DCAF1: variants seen among roughly 807,000 people sequenced by gnomAD.
The protein encoded by DCAF1 is DDB1- and CUL4-associated factor 1.
In DCAF1, 15 loss-of-function variants were observed where a neutral mutation model predicts 128.0. That is an observed-to-expected ratio of 0.12 (90% CI 0.08 to 0.18). The LOEUF is 0.18. Ranked by LOEUF, DCAF1 falls within the 10% of genes least tolerant of loss-of-function variation. DCAF1 has a pLI of 1.00. For missense variants in DCAF1, 988 were observed against 1,649.5 expected (o/e 0.60, Z 6.95); for synonymous variants, 610 against 603.0 (o/e 1.01, Z -0.17).
intron 4 of DCAF1, among the ~76,000 whole-genome samples, chr3:51,470,020 CA>C (rs1272220677): frequency 6.7e-6 from 1 of 149,862 alleles, no homozygotes; most frequent in African/African-American, 2.4e-5. Context: ...GATGCCATCT[CA>C]AAAAAAAATA....
intron 3 of DCAF1, among the ~76,000 whole-genome samples, chr3:51,471,396 G>A (rs1013249067): frequency 1.5e-4 from 22 of 151,560 alleles, no homozygotes; most frequent in Non-Finnish European, 2.8e-4. Context: ...TGCTAGCCAG[G>A]ATGGTCTCGA....
At chr3:51,474,683 C>A (rs1007166782) in intron 3 of DCAF1, among the ~76,000 whole-genome samples, 1 of 150,806 alleles carries the variant, frequency 6.6e-6, no homozygotes, top group Admixed American at 6.6e-5. Flanking sequence ...CGCAGTGGCA[C>A]AATCGTACCT....
chr3:51,416,040 A>G (rs1468931109), intron 18 of DCAF1, among the ~76,000 whole-genome samples: 11 of 152,140 alleles, frequency 7.2e-5, no homozygotes, highest in African/African-American at 2.7e-4. Flanking sequence ...CTCATGTGTC[A>G]GGTGGTACAA....
chr3:51,424,044 A>C (rs543130038), intron 13 of DCAF1, among the ~76,000 whole-genome samples: 1 of 152,228 alleles, frequency 6.6e-6, no homozygotes, highest in South Asian at 2.1e-4. Flanking sequence ...ATGATATAAA[A>C]ATAAAAAATG....
At chr3:51,446,963 A>AAATAATAATAATAATAATAAT (rs59908556) in intron 6 of DCAF1, among the ~76,000 whole-genome samples, 81 of 136,966 alleles carry the variant, frequency 5.9e-4, no homozygotes, top group South Asian at 9.4e-4. Context: ...TTTGTCTCAA[A>AAATAATAATAATAATAATAAT]AATAATAATA....
chr3:51,407,460 G>A (rs782388069), intron 23 of DCAF1, among the ~76,000 whole-genome samples: 2 of 152,152 alleles, frequency 1.3e-5, no homozygotes, highest in African/African-American at 2.4e-5. Flanking sequence ...CCGCTTCTAG[G>A]CAGTGGAGAA....
At chr3:51,487,020 T>G (rs1707052243) in intron 2 of DCAF1, among the ~76,000 whole-genome samples, 1 of 151,534 alleles carries the variant, frequency 6.6e-6, no homozygotes, top group South Asian at 2.1e-4. Context: ...CAGGCTGGAG[T>G]GCAGTGGCAC....
At chr3:51,489,122 T>G (rs1421970554) in intron 2 of DCAF1, among the ~76,000 whole-genome samples, 2 of 152,056 alleles carry the variant, frequency 1.3e-5, no homozygotes, top group Non-Finnish European at 2.9e-5. Flanking sequence ...GCCTTTGCCA[T>G]TTCTATTAAA....
downstream of DCAF1, chr3:51,397,450 TAC>T (rs2089276753): frequency 6.0e-6 from 1 of 167,096 alleles, no homozygotes; most frequent in African/African-American, 2.4e-5. Flanking sequence ...CTGCCCCAGC[TAC>T]AGAGACGGCC....
chr3:51,472,007 C>T (rs1458481072), intron 3 of DCAF1, among the ~76,000 whole-genome samples: 1 of 152,222 alleles, frequency 6.6e-6, no homozygotes, highest in Non-Finnish European at 1.5e-5. Flanking sequence ...TCATCAACTA[C>T]CTGGATTACC....
At chr3:51,452,908 AG>A (rs1702501749) in intron 6 of DCAF1, among the ~76,000 whole-genome samples, 1 of 151,818 alleles carries the variant, frequency 6.6e-6, no homozygotes. Flanking sequence ...CCAGCTACTC[AG>A]GAAGTTGAGG....
intron 18 of DCAF1, among the ~76,000 whole-genome samples, chr3:51,415,780 G>A (rs537926694): frequency 1.1e-4 from 17 of 152,010 alleles, no homozygotes; most frequent in South Asian, 2.1e-4. Context: ...TTGTAGAGAT[G>A]GGGGGAGTCT....
chr3:51,417,573 A>C (rs1239463365), intron 17 of DCAF1, among the ~76,000 whole-genome samples: 1 of 152,160 alleles, frequency 6.6e-6, no homozygotes, highest in Non-Finnish European at 1.5e-5. Context: ...ATAAAATATT[A>C]GCCAGGTGTG....
chr3:51,413,503 A>C (rs1365458230), intron 20 of DCAF1, 117 bp from the exon 21 acceptor site: 31 of 1,448,840 alleles, frequency 2.1e-5, no homozygotes, highest in Middle Eastern at 1.8e-4. Context: ...GTTTACATAC[A>C]AATTCCCTTG....
At chr3:51,482,740 A>G (rs1706376893) in intron 3 of DCAF1, among the ~76,000 whole-genome samples, 1 of 141,298 alleles carries the variant, frequency 7.1e-6, no homozygotes, top group Non-Finnish European at 1.5e-5. Context: ...ACTCCAGCCC[A>G]GGAGACAGTG....
chr3:51,441,363 G>A (rs782666727), intron 8 of DCAF1, 22 bp downstream of exon 8: 3 of 1,603,610 alleles, frequency 1.9e-6, no homozygotes, highest in Non-Finnish European at 2.6e-6. Context: ...TGTGTGAACA[G>A]TACTCTTCCC....
At chr3:51,500,116 G>GAAAAAAAA (rs55767863), upstream of DCAF1, 1 of 27,836 alleles carries the variant, frequency 3.6e-5, no homozygotes, top group African/African-American at 1.5e-4. Flanking sequence ...CACGATCGGG[G>GAAAAAAAA]AAAAAAAAAA....
chr3:51,398,850 G>T (rs1178066367), intron 24 of DCAF1, 23 bp from the exon 25 acceptor site: 2 of 1,572,066 alleles, frequency 1.3e-6, no homozygotes, highest in African/African-American at 2.7e-5. Context: ...AAAAGGGAGA[G>T]ACAAGATTAC....
Position 51,420,881 on chromosome 3 carries a change from A to G in DCAF1, c.2089T>C (p.Ser697Pro). Residue 697 changes from serine to proline, a missense_variant, in exon 15 of 25, where the codon TCC (serine) becomes CCC (proline). Ser to Pro is a moderately conservative substitution (Grantham distance 74). This residue lies in a region of DCAF1 where 185 missense variants were observed against 248.1 expected (regional missense o/e 0.75). Coordinates refer to ENST00000684031, the MANE Select transcript of DCAF1 (RefSeq NM_001387579.1). This position sits in a 1 kb window ranked among gnomAD's most constrained non-coding sequence, Gnocchi z 6.5. ...NCVCGPDNRI[S>P]SIGKFISGTP... Reference sequence around the variant, plus strand: ...CCAGAGATAAATTTACCAATACTGGATATTCGGTTATCTGGGCCACACACA... The same window carrying G: ...CCAGAGATAAATTTACCAATACTGGGTATTCGGTTATCTGGGCCACACACA... 1.2e-6 allele frequency: 2 copies of G among 1,613,962 alleles called. No individual in the cohort carries two copies. Among genetic ancestry groups the G allele is most frequent in the East Asian group, 4.5e-5 (2 of 44,870 alleles).
Sources: gnomAD v4.1 joint callset for allele counts (sites outside exome capture counted in the v4.1 genomes callset) on GRCh38, gnomAD v4.1.1 for gene constraint, gnomAD v4.1.1 regional missense constraint, Gnocchi (gnomAD v3.1) non-coding constraint, MANE v1.5 for transcripts, NCBI Gene and HGNC (gene_info 2026-07-23, HGNC 2026-07-21) for gene names.